The following RGL1 variants were observed in gnomAD, a reference collection of about 807,000 sequenced individuals.
RGL1 encodes ral guanine nucleotide dissociation stimulator-like 1.
Under a neutral mutation model 95.2 loss-of-function variants are expected in RGL1, and 24 were observed. The observed-to-expected ratio is 0.25, with a 90% CI of 0.18 to 0.35. RGL1 has a LOEUF of 0.35. Among genes scored for constraint, RGL1 ranks in the 10% least tolerant of loss-of-function variants. The pLI is 1.00. For synonymous variants in RGL1, 329 were observed against 344.9 expected, an observed-to-expected ratio of 0.95 and a Z score of 0.51; for missense variants, 715 against 936.3, an observed-to-expected ratio of 0.76 and a Z score of 3.08.
At chr1:183,856,325 A>G (rs966469775) in intron 3 of RGL1, among the ~76,000 whole-genome samples, 2 of 151,872 alleles carry the variant, frequency 1.3e-5, no homozygotes, top group African/African-American at 4.8e-5. Flanking sequence ...ACATATATAT[A>G]TATGTTCTGT....
intron 1 of RGL1, among the ~76,000 whole-genome samples, chr1:183,711,334 A>G (rs939920457): frequency 2.6e-5 from 4 of 152,088 alleles, no homozygotes; most frequent in Non-Finnish European, 4.4e-5. Context: ...TCTCTCATGA[A>G]CTGTCCCTGG....
At chr1:183,712,321 T>C (rs1351987999) in intron 1 of RGL1, among the ~76,000 whole-genome samples, 1 of 152,218 alleles carries the variant, frequency 6.6e-6, no homozygotes, top group Non-Finnish European at 1.5e-5. Flanking sequence ...CCTGCCATTG[T>C]CAACTCTAAT....
chr1:183,664,204 A>G (rs1215619703), intron 1 of RGL1, among the ~76,000 whole-genome samples: 3 of 140,946 alleles, frequency 2.1e-5, no homozygotes, highest in African/African-American at 8.2e-5. Flanking sequence ...CCTAAAACTT[A>G]AAGTATAATA....
At chr1:183,643,614 A>G (rs772942476) in intron 1 of RGL1, among the ~76,000 whole-genome samples, 10 of 152,006 alleles carry the variant, frequency 6.6e-5, no homozygotes, top group South Asian at 2.1e-4. Flanking sequence ...TATAAAAAAA[A>G]TTACTTTACT....
At chr1:183,868,242 G>A (rs1370820312) in intron 4 of RGL1, among the ~76,000 whole-genome samples, 1 of 152,224 alleles carries the variant, frequency 6.6e-6, no homozygotes, top group Non-Finnish European at 1.5e-5. Flanking sequence ...TACATGTTAG[G>A]TGAGAGGGGA....
chr1:183,835,904 T>C (rs1663615618), intron 2 of RGL1, among the ~76,000 whole-genome samples: 2 of 152,348 alleles, frequency 1.3e-5, no homozygotes, highest in South Asian at 4.1e-4. Flanking sequence ...GGTGTACAGA[T>C]ATGGAGATTG....
intron 10 of RGL1, among the ~76,000 whole-genome samples, chr1:183,899,384 T>C (rs890926616): frequency 6.6e-6 from 1 of 152,252 alleles, no homozygotes; most frequent in African/African-American, 2.4e-5. Flanking sequence ...TTTTCTTGAC[T>C]GTTTTTTATG....
At chr1:183,884,652 G>T in intron 6 of RGL1, 71 bp from the exon 7 acceptor site, 1 of 1,287,284 alleles carries the variant, frequency 7.8e-7, no homozygotes, top group South Asian at 1.3e-5. Context: ...ATTTACAAAT[G>T]ACCCAGATGA....
At chr1:183,769,773 G>A (rs1042475637) in intron 2 of RGL1, among the ~76,000 whole-genome samples, 1 of 152,178 alleles carries the variant, frequency 6.6e-6, no homozygotes, top group Non-Finnish European at 1.5e-5. Flanking sequence ...TTCCATGGCA[G>A]TTTGATTTTT....
intron 2 of RGL1, among the ~76,000 whole-genome samples, chr1:183,755,500 T>C (rs1658268977): frequency 1.3e-5 from 2 of 152,124 alleles, no homozygotes; most frequent in African/African-American, 4.8e-5. Context: ...AATATCTTTA[T>C]ATAATTTCAG....
chr1:183,805,947 TTC>T, intron 1 of RGL1, among the ~76,000 whole-genome samples: 1 of 148,870 alleles, frequency 6.7e-6, no homozygotes, highest in African/African-American at 2.5e-5. Context: ...TTTTCTTTTT[TTC>T]TTTTTCTTTT....
At chr1:183,845,061 C>CA (rs1664326234) in intron 2 of RGL1, among the ~76,000 whole-genome samples, 1 of 152,214 alleles carries the variant, frequency 6.6e-6, no homozygotes, top group African/African-American at 2.4e-5. Context: ...GAAGGAAAAG[C>CA]AAACATGCTA....
Position 183,805,234 on chromosome 1 carries a change from CAT to C in RGL1, c.-63_-62del, listed in dbSNP as rs1325923710. ...GCGCCGCGGGGCTGAGCCCAGCAGA[CAT>C]TGCGTTGGCCTCCGAGCAGGGCGCA... On this transcript the variant is annotated 5_prime_UTR_variant, in exon 1 of 18. Transcript: ENST00000360851. 8 of 1,597,924 alleles carry C rather than the reference CAT, an allele frequency of 5.0e-6. No homozygotes were observed. Among genetic ancestry groups the C allele is most frequent in the Admixed American group, 1.7e-5 (1 of 57,826 alleles).
At chr1:183,898,203 C>T (rs1055495950) in intron 10 of RGL1, among the ~76,000 whole-genome samples, 1 of 152,152 alleles carries the variant, frequency 6.6e-6, no homozygotes, top group Non-Finnish European at 1.5e-5. Context: ...TCTCTTCCGC[C>T]CCCTCCTGCA....
chr1:183,883,643 G>A (rs1572550128), intron 5 of RGL1, 143 bp from the exon 6 acceptor site: 2 of 761,250 alleles, frequency 2.6e-6, no homozygotes, highest in African/African-American at 1.7e-5. Context: ...GTTCTCAGAT[G>A]CATTGTGCTT....
chr1:183,827,549 G>A (rs1662953335), intron 2 of RGL1, among the ~76,000 whole-genome samples: 1 of 152,182 alleles, frequency 6.6e-6, no homozygotes, highest in South Asian at 2.1e-4. Flanking sequence ...AAATTACTGT[G>A]AGATGCCTGT....
chr1:183,805,115 C>T (rs865899395), upstream of RGL1: 1 of 654,858 alleles, frequency 1.5e-6, no homozygotes, highest in Non-Finnish European at 2.2e-6. Flanking sequence ...CGCCGCGCTC[C>T]CTTTGTGGCC....
intron 1 of RGL1, among the ~76,000 whole-genome samples, chr1:183,676,080 A>C (rs1652810603): frequency 6.6e-6 from 1 of 152,114 alleles, no homozygotes; most frequent in South Asian, 2.1e-4. Flanking sequence ...CCAGAAGGTC[A>C]AGGTTGCAAT....
At chr1:183,877,710 A>G (rs1215364044) in intron 4 of RGL1, among the ~76,000 whole-genome samples, 1 of 152,098 alleles carries the variant, frequency 6.6e-6, no homozygotes, top group Non-Finnish European at 1.5e-5. Flanking sequence ...TGAGTATCTG[A>G]GTTTGTGGTG....
Sources: gnomAD v4.1 joint callset for allele counts (sites outside exome capture counted in the v4.1 genomes callset) on GRCh38, gnomAD v4.1.1 for gene constraint, MANE v1.5 for transcripts, NCBI Gene and HGNC (gene_info 2026-07-23, HGNC 2026-07-21) for gene names.